Variants in ZNF827 observed in about 807,000 individuals in gnomAD.
ZNF827 encodes the protein zinc finger protein 827.
Under a neutral mutation model 102.4 loss-of-function variants are expected in ZNF827, and 13 were observed. The observed-to-expected ratio is 0.13, with a 90% CI of 0.08 to 0.20. The LOEUF is 0.20. Ranked by LOEUF, ZNF827 falls within the 10% of genes least tolerant of loss-of-function variation. The pLI, the probability that ZNF827 is intolerant of heterozygous loss-of-function variation, is 1.00. For synonymous variants in ZNF827, 523 were observed against 536.2 expected, an observed-to-expected ratio of 0.98 and a Z score of 0.34; for missense variants, 1,103 against 1,344.4, an observed-to-expected ratio of 0.82 and a Z score of 2.81.
intron 1 of ZNF827, among the ~76,000 whole-genome samples, chr4:145,935,659 G>A (rs1754108197): frequency 1.3e-5 from 2 of 152,166 alleles, no homozygotes; most frequent in Admixed American, 1.3e-4. Context: ...AAAGAGGGAG[G>A]TGATATTTTT....
At chr4:145,768,337 G>A (rs558394889) in intron 11 of ZNF827, among the ~76,000 whole-genome samples, 8 of 151,998 alleles carry the variant, frequency 5.3e-5, no homozygotes, top group African/African-American at 1.9e-4. Context: ...GCTAATTTTT[G>A]TATTTTCAGA....
chr4:145,802,936 T>A (rs1216114987), intron 8 of ZNF827, among the ~76,000 whole-genome samples: 1 of 152,128 alleles, frequency 6.6e-6, no homozygotes, highest in African/African-American at 2.4e-5. Flanking sequence ...TGAGACTCTG[T>A]CTCACAAAAA....
intron 8 of ZNF827, among the ~76,000 whole-genome samples, chr4:145,805,800 T>C (rs1462095610): frequency 6.6e-6 from 1 of 151,972 alleles, no homozygotes; most frequent in Non-Finnish European, 1.5e-5. Context: ...GCGGTCAAGC[T>C]CACCCTGACG....
At chr4:145,906,919 G>A (rs1579537266) in intron 1 of ZNF827, 3 of 396,038 alleles carry the variant, frequency 7.6e-6, no homozygotes, top group South Asian at 2.0e-5. Flanking sequence ...ATAATACTCT[G>A]TTAATCACTT....
At chr4:145,922,260 T>G (rs1221315739) in intron 1 of ZNF827, among the ~76,000 whole-genome samples, 1 of 152,242 alleles carries the variant, frequency 6.6e-6, no homozygotes, top group East Asian at 1.9e-4. Flanking sequence ...GTGTGGTGTG[T>G]GGACCCCTAT....
intron 8 of ZNF827, among the ~76,000 whole-genome samples, chr4:145,780,652 G>A (rs1192912573): frequency 1.3e-5 from 2 of 152,116 alleles, no homozygotes; most frequent in East Asian, 1.9e-4. Context: ...CTATGATAAT[G>A]TCATAAAATA....
chr4:145,771,642 CTAA>C (rs1736301779), intron 11 of ZNF827, among the ~76,000 whole-genome samples: 1 of 152,128 alleles, frequency 6.6e-6, no homozygotes, highest in Non-Finnish European at 1.5e-5. Context: ...GCGGAAATGC[CTAA>C]TGAGAGGACA....
chr4:145,775,023 A>G (rs1419714544), intron 10 of ZNF827, among the ~76,000 whole-genome samples: 1 of 152,198 alleles, frequency 6.6e-6, no homozygotes, highest in African/African-American at 2.4e-5. Flanking sequence ...CAAGGTATTT[A>G]GTGGTGCCGG....
chr4:145,885,203 A>G (rs1438860730), intron 4 of ZNF827, among the ~76,000 whole-genome samples: 3 of 152,202 alleles, frequency 2.0e-5, no homozygotes, highest in Admixed American at 6.5e-5. Context: ...TTAGAAGTCT[A>G]TAATTCCTAA....
rs144314213 is a variant in ZNF827, at chr4:145,857,747, T to C, written c.1982-8186A>G. On this transcript the variant is annotated intron_variant, in intron 5 of 14. Transcript: ENST00000508784. ...TGGCTCAGTCATTATCTGTTGAACT[T>C]TGAGTGTCCTGGTGTTAAATGTAAA... Among the ~76,000 whole-genome samples, 58 of 152,302 alleles carry C rather than the reference T, an allele frequency of 3.8e-4. 2 individuals are homozygous for C. The East Asian group carries it at 0.011, about 29-fold the overall frequency.
At chr4:145,846,045 T>C (rs779214352) in intron 6 of ZNF827, 32 bp from the exon 7 acceptor site, 1 of 1,610,180 alleles carries the variant, frequency 6.2e-7, no homozygotes, top group Admixed American at 1.7e-5. Context: ...CATACACCTC[T>C]TAGGTTGTTC....
Position 145,780,192 on chromosome 4 carries a change from AAAACAAACAAAC to A in ZNF827, c.2384-693_2384-682del, listed in dbSNP as rs143206937. Among the ~76,000 whole-genome samples, 97 of 151,254 alleles carry A rather than the reference AAAACAAACAAAC, an allele frequency of 6.4e-4. 1 individual carries two copies. Among genetic ancestry groups the A allele is most frequent in the African/African-American group, 2.1e-3 (88 of 41,160 alleles). On this transcript the variant is annotated intron_variant, in intron 8 of 14. Transcript: ENST00000508784. ...GGTGGCAGAGTGAGACGCTGTCTCA[AAAACAAACAAAC>A]AAACAAACAAACAAACAAAAAAGAA...
intron 8 of ZNF827, among the ~76,000 whole-genome samples, chr4:145,821,420 A>G (rs1743133731): frequency 6.6e-6 from 1 of 152,254 alleles, no homozygotes; most frequent in Admixed American, 6.5e-5. Flanking sequence ...CTCCACAATT[A>G]GTCCAAATTA....
rs1319186735 is a variant in ZNF827, at chr4:145,801,159, G to GA, written c.2384-21649dup. 4.8e-3 allele frequency among the ~76,000 whole-genome samples: 722 copies of GA among 149,370 alleles called. 7 individuals carry two copies. Among genetic ancestry groups the GA allele is most frequent in the Middle Eastern group, 0.017 (5 of 292 alleles). ...GATGGAAATAATTGCCTATGTGAAGGAAAAAAAAAATCCTCTATGTATGAA... is the reference window on the plus strand; with the variant it reads ...GATGGAAATAATTGCCTATGTGAAGGAAAAAAAAAAATCCTCTATGTATGAA... On this transcript the variant is annotated intron_variant, in intron 8 of 14. Coordinates refer to ENST00000508784, the MANE Select transcript of ZNF827 (RefSeq NM_001306215.2).
chr4:145,905,814 T>G (rs1318707317), intron 1 of ZNF827, among the ~76,000 whole-genome samples: 3 of 152,246 alleles, frequency 2.0e-5, no homozygotes, highest in Non-Finnish European at 4.4e-5. Context: ...AAGAATTTGT[T>G]GAATATCTGC....
At chr4:145,888,785 G>A (rs556336118) in intron 3 of ZNF827, among the ~76,000 whole-genome samples, 14 of 152,294 alleles carry the variant, frequency 9.2e-5, no homozygotes, top group Non-Finnish European at 1.9e-4. Context: ...ATTCCTGTAT[G>A]TTCACTTATC....
intron 3 of ZNF827, among the ~76,000 whole-genome samples, chr4:145,888,588 C>A (rs1007624351): frequency 6.6e-6 from 1 of 152,206 alleles, no homozygotes; most frequent in Non-Finnish European, 1.5e-5. Context: ...TCTACTCCAT[C>A]CCCCACTAGG....
At chr4:145,886,507 T>C (rs1189363549) in intron 3 of ZNF827, among the ~76,000 whole-genome samples, 4 of 152,106 alleles carry the variant, frequency 2.6e-5, no homozygotes, top group African/African-American at 7.2e-5. Flanking sequence ...AAATTACTAG[T>C]TGGGGATCAA....
In ZNF827 at chr4:145,823,425, G is replaced by A. The variant is rs1487698100; in HGVS notation, c.2380C>T (p.Pro794Ser). Residue 794 changes from proline to serine, a missense_variant, in exon 8 of 15, where the codon CCA becomes TCA. Physicochemically the swap from Pro to Ser is moderately conservative, Grantham distance 74. Around this residue, in one of 5 missense-constraint regions of ZNF827, gnomAD observed 242 missense variants for 361.9 expected, o/e 0.67. Transcript: ENST00000508784. ...DSVLHGRISA[P>S]ETEKIVLEAG... ...AAAGCCAACAATGTTTCCATACCTG[G>A]AGCTGATATTCTTCCGTGCAGCACG... 6.2e-7 allele frequency: 1 copy of A among 1,610,752 alleles called. No individual in the cohort carries two copies. Among genetic ancestry groups the A allele is most frequent in the African/African-American group, 1.3e-5 (1 of 74,754 alleles).
Sources: gnomAD v4.1 joint callset for allele counts (sites outside exome capture counted in the v4.1 genomes callset) on GRCh38, gnomAD v4.1.1 for gene constraint, gnomAD v4.1.1 regional missense constraint, MANE v1.5 for transcripts, NCBI Gene and HGNC (gene_info 2026-07-23, HGNC 2026-07-21) for gene names.